LTBP2: variants seen among roughly 807,000 people sequenced by gnomAD.
LTBP2 encodes latent transforming growth factor beta binding protein 2.
LTBP2 carries 103 observed loss-of-function variants against 210.6 expected under a neutral mutation model. That is an observed-to-expected ratio of 0.49 (90% CI 0.42 to 0.58). The LOEUF is 0.58. Ranked by LOEUF, LTBP2 falls within the 20% of genes least tolerant of loss-of-function variation. The pLI, the probability that LTBP2 is intolerant of heterozygous loss-of-function variation, is 0.00. For missense variants in LTBP2, 2,313 were observed against 2,494.5 expected, an observed-to-expected ratio of 0.93 and a Z score of 1.55; for synonymous variants, 1,007 against 1,015.0, an observed-to-expected ratio of 0.99 and a Z score of 0.15.
In LTBP2 at chr14:74,538,164, T is replaced by C. The variant is rs557685023; in HGVS notation, c.1790-2164A>G. On this transcript the variant is annotated intron_variant, in intron 8 of 35. Coordinates refer to ENST00000261978, the MANE Select transcript of LTBP2 (RefSeq NM_000428.3). ...GCAAAGTTTGAGTGTCTTGGTGGTT[T>C]AAAATGTTTTTCTAATCAAGATAGC... is the stretch of plus-strand genomic sequence containing the variant. Among the ~76,000 whole-genome samples the C allele has an allele frequency of 5.9e-5, 9 of 152,330 alleles. 1 individual carries two copies. The South Asian group carries it at 1.7e-3, about 28-fold the overall frequency.
In LTBP2 at chr14:74,611,366, G is replaced by A; in HGVS notation, c.494+85C>T. 5.9e-6 allele frequency: 8 copies of A among 1,353,936 alleles called. No individual in the cohort carries two copies. The South Asian group carries it at 1.3e-4, about 22-fold the overall frequency. The allele number at this position is 1,353,936 out of a possible 1,614,324, so 83.9% of individuals were successfully genotyped here. A position where few individuals can be genotyped will look rare whatever the true frequency, so the allele number is the denominator to read the frequency against. ...AGAGGGACGAGGGTATGAGAGCGGCGCCCTCTCCTCTCGCCTGCACGCCCC... is the reference window on the plus strand; with the variant it reads ...AGAGGGACGAGGGTATGAGAGCGGCACCCTCTCCTCTCGCCTGCACGCCCC... On this transcript the variant is annotated intron_variant, in intron 1 of 35. Coordinates refer to ENST00000261978, the MANE Select transcript of LTBP2 (RefSeq NM_000428.3).
chr14:74,567,165 C>T (rs571160469), intron 3 of LTBP2, among the ~76,000 whole-genome samples: 71 of 152,298 alleles, frequency 4.7e-4, no homozygotes, highest in Non-Finnish European at 7.6e-4. Context: ...CCCTTGCCTG[C>T]AGCCCGGTCC....
intron 1 of LTBP2, among the ~76,000 whole-genome samples, chr14:74,609,169 G>C (rs1170462443): frequency 6.6e-6 from 1 of 152,186 alleles, no homozygotes; most frequent in Non-Finnish European, 1.5e-5. Flanking sequence ...TGGAGGAAGA[G>C]AATAAACAAG....
At chr14:74,590,861 G>A (rs1379255969) in intron 2 of LTBP2, among the ~76,000 whole-genome samples, 2 of 151,050 alleles carry the variant, frequency 1.3e-5, no homozygotes, top group African/African-American at 4.9e-5. Context: ...AGTGGGAAGG[G>A]TTGCGGAAAA....
At position 74,507,235 on chromosome 14, in the gene LTBP2, C is replaced by T. The variant is rs201598003; in HGVS notation, c.3851G>A (p.Arg1284His). The T allele has an allele frequency of 1.7e-5, 27 of 1,614,200 alleles. No individual in the cohort carries two copies. The highest frequency in any genetic ancestry group is 1.6e-4 in the Middle Eastern group (1 of 6,062). ...GCCAGGCTGGCAGCCCAGAACACAG[C>T]GGTAGGAGCCAGGGCTGTTTTCACA... is the stretch of plus-strand genomic sequence containing the variant. Reference protein sequence around the residue: ...WKCENSPGSYRCVLGCQPGFH... With the variant: ...WKCENSPGSYHCVLGCQPGFH... Residue 1284 changes from arginine (R) to histidine (H), a missense_variant, in exon 26 of 36, where the codon CGC becomes CAC. Physicochemically the swap from Arg to His is conservative, Grantham distance 29 (BLOSUM62 0). Coordinates refer to ENST00000261978, the MANE Select transcript of LTBP2 (RefSeq NM_000428.3).
intron 3 of LTBP2, among the ~76,000 whole-genome samples, chr14:74,565,484 G>T (rs1043768459): frequency 6.6e-6 from 1 of 152,200 alleles, no homozygotes; most frequent in Non-Finnish European, 1.5e-5. Flanking sequence ...AGGCATGGAT[G>T]CAAGGGCTAT....
intron 7 of LTBP2, among the ~76,000 whole-genome samples, chr14:74,550,603 A>C (rs2087639274): frequency 6.6e-6 from 1 of 152,196 alleles, no homozygotes; most frequent in East Asian, 1.9e-4. Flanking sequence ...TCCAGAGGGC[A>C]ATAGGAGTAT....
In LTBP2 at chr14:74,500,837, GT is replaced by G; in HGVS notation, c.*46del. On this transcript the variant is annotated 3_prime_UTR_variant, in exon 36 of 36. Coordinates refer to ENST00000261978, the MANE Select transcript of LTBP2 (RefSeq NM_000428.3). Reference sequence around the variant, plus strand: ...GAAATCATCCTCAAGGCCCCTGCCTGTGACTGGAGGCCATTTCCAGGTAGTT... The same window carrying G: ...GAAATCATCCTCAAGGCCCCTGCCTGGACTGGAGGCCATTTCCAGGTAGTT... 1 of 1,611,808 alleles carries G rather than the reference GT, an allele frequency of 6.2e-7. No homozygotes were observed. The highest frequency in any genetic ancestry group is 8.5e-7 in the Non-Finnish European group (1 of 1,179,106).
At chr14:74,597,539 C>T (rs943316539) in intron 2 of LTBP2, among the ~76,000 whole-genome samples, 11 of 152,154 alleles carry the variant, frequency 7.2e-5, no homozygotes, top group African/African-American at 2.7e-4. Context: ...GGAGAGAGGG[C>T]CAGGCACTCC....
At chr14:74,611,426 C>A in intron 1 of LTBP2, 25 bp downstream of exon 1, 3 of 1,471,292 alleles carry the variant, frequency 2.0e-6, no homozygotes, top group Non-Finnish European at 2.7e-6. Flanking sequence ...TCTGTACCCT[C>A]CAAACTTCCC....
intron 13 of LTBP2, 126 bp from the exon 14 acceptor site, chr14:74,526,240 C>G: frequency 1.1e-6 from 1 of 943,742 alleles, no homozygotes. Context: ...TCATTCATTC[C>G]AGGTATTGAT....
chr14:74,566,496 T>G (rs2087904092), intron 3 of LTBP2, among the ~76,000 whole-genome samples: 1 of 152,194 alleles, frequency 6.6e-6, no homozygotes. Context: ...TGGTCTCCCC[T>G]GAGGATCTGG....
chr14:74,532,393 G>C (rs2087361607), intron 10 of LTBP2, 33 bp downstream of exon 10: 1 of 1,612,490 alleles, frequency 6.2e-7, no homozygotes, highest in Admixed American at 1.7e-5. Flanking sequence ...GTCTCCCACT[G>C]TCCACCCCCA....
In LTBP2 at chr14:74,500,911, C is replaced by A. The variant is rs1375937160; in HGVS notation, c.5439G>T (p.Gly1813=). The A allele has an allele frequency of 6.2e-7, 1 of 1,614,144 alleles. No individual in the cohort carries two copies. The highest frequency in any genetic ancestry group is 1.1e-5 in the South Asian group (1 of 91,084). Residue 1813 remains glycine, a synonymous_variant, in exon 36 of 36, where the codon GGG becomes GGT. Transcript: ENST00000261978. ...ACTCCTTGGCAGTGCAGTGGGGGGG[C>A]CCTGCCTCAGCCACATATCCCGGGG... The part of the protein sequence containing the change: ...HCSPGYVAEA[G]PPHCTAKE
At chr14:74,599,478 TA>T (rs761707291) in intron 2 of LTBP2, among the ~76,000 whole-genome samples, 22 of 152,332 alleles carry the variant, frequency 1.4e-4, no homozygotes, top group Non-Finnish European at 3.1e-4. Context: ...GCTGCAACTA[TA>T]AACAGGACAC....
At chr14:74,583,106 C>T (rs2088159085) in intron 3 of LTBP2, among the ~76,000 whole-genome samples, 1 of 152,172 alleles carries the variant, frequency 6.6e-6, no homozygotes, top group Non-Finnish European at 1.5e-5. Flanking sequence ...CTGCCTGCTG[C>T]CTGGGACACT....
chr14:74,586,240 C>T lies in LTBP2; in HGVS notation c.566-122G>A. The T allele has an allele frequency of 2.6e-6, 3 of 1,158,508 alleles. No homozygotes were observed. The South Asian group carries it at 4.4e-5, about 17-fold the overall frequency. The allele number at this position is 1,158,508 out of a possible 1,614,324, so 71.8% of individuals were successfully genotyped here. On this transcript the variant is annotated intron_variant, in intron 2 of 35. Coordinates refer to ENST00000261978, the MANE Select transcript of LTBP2 (RefSeq NM_000428.3). The surrounding 1 kb of genome is among the most constrained non-coding windows in gnomAD (Gnocchi z 4.6). ...CAACCCTGTCGCTCAAGCAGGAAGC[C>T]ACTCTCCTGGCCTCAGGGGGCTCCC...
chr14:74,571,634 A>G lies in LTBP2; in HGVS notation c.830+14220T>C, dbSNP rs1013537562. Among the ~76,000 whole-genome samples the G allele has an allele frequency of 2.6e-4, 39 of 152,226 alleles. 1 individual carries two copies. The highest frequency in any genetic ancestry group is 7.3e-5 in the Non-Finnish European group (5 of 68,044). Reference sequence around the variant, plus strand: ...CCTTGTCCCAAGAACATCAAAAAAGAAAGAAATGTGGAATTAATTTTTCTC... The same window carrying G: ...CCTTGTCCCAAGAACATCAAAAAAGGAAGAAATGTGGAATTAATTTTTCTC... On this transcript the variant is annotated intron_variant, in intron 3 of 35. Transcript: ENST00000261978.
At chr14:74,540,874 T>TA (rs1431175775) in intron 8 of LTBP2, among the ~76,000 whole-genome samples, 32 of 102,732 alleles carry the variant, frequency 3.1e-4, no homozygotes, top group East Asian at 2.0e-3. Context: ...TATTTATATA[T>TA]ATAATATATA....
Sources: allele counts gnomAD v4.1 joint callset (sites outside exome capture counted in the v4.1 genomes callset), GRCh38; gene constraint gnomAD v4.1.1; non-coding constraint Gnocchi (gnomAD v3.1); transcripts MANE v1.5; gene names NCBI Gene and HGNC (gene_info 2026-07-23, HGNC 2026-07-21).